UQCC1: variants seen among roughly 807,000 people sequenced by gnomAD.
UQCC1 encodes bFGF-repressed Zic-binding protein.
A neutral mutation model predicts 48.0 loss-of-function variants in UQCC1; 38 were observed. That is an observed-to-expected ratio of 0.79 (90% CI 0.61 to 1.04). The LOEUF (loss-of-function observed/expected upper bound fraction) is 1.04. Among genes scored for constraint, UQCC1 ranks in the 50% least tolerant of loss-of-function variants. UQCC1 has a pLI of 0.00. For missense variants in UQCC1, 368 were observed against 381.8 expected, an observed-to-expected ratio of 0.96 and a Z score of 0.30; for synonymous variants, 111 against 129.2, an observed-to-expected ratio of 0.86 and a Z score of 0.95.
chr20:35,370,188 A>T (rs971026627), intron 5 of UQCC1, among the ~76,000 whole-genome samples: 1 of 152,148 alleles, frequency 6.6e-6, no homozygotes, highest in Non-Finnish European at 1.5e-5. Flanking sequence ...CACTTTAAAA[A>T]GTACAATCTT....
intron 1 of UQCC1, among the ~76,000 whole-genome samples, chr20:35,400,702 C>A (rs575689648): frequency 6.6e-6 from 1 of 151,794 alleles, no homozygotes; most frequent in Non-Finnish European, 1.5e-5. Context: ...TCACCATGTT[C>A]GCCAGGATGG....
chr20:35,403,371 C>T (rs989616065), intron 1 of UQCC1, among the ~76,000 whole-genome samples: 4 of 152,136 alleles, frequency 2.6e-5, no homozygotes, highest in African/African-American at 4.8e-5. Context: ...TTCCTACCCA[C>T]GTCCTGGTAG....
Position 35,388,595 on chromosome 20 carries a change from G to T in UQCC1, c.130-4462C>A, listed in dbSNP as rs371888952. 3.9e-5 allele frequency among the ~76,000 whole-genome samples: 6 copies of T among 152,170 alleles called. No individual in the cohort carries two copies. The South Asian group carries it at 1.2e-3, about 32-fold the overall frequency. ...GCCCGGACTATTTTTTCCTGTTTTA[G>T]AAATTAGAACACAAAGGCTCAAAGA... On this transcript the variant is annotated intron_variant, in intron 2 of 9. Transcript: ENST00000374385.
intron 1 of UQCC1, among the ~76,000 whole-genome samples, chr20:35,399,532 C>T (rs758350171): frequency 2.6e-5 from 4 of 152,076 alleles, no homozygotes; most frequent in Non-Finnish European, 4.4e-5. Context: ...CTCTTCACTC[C>T]AACCCAAACT....
chr20:35,359,130 C>T (rs1290578746), intron 6 of UQCC1, among the ~76,000 whole-genome samples: 1 of 152,262 alleles, frequency 6.6e-6, no homozygotes, highest in East Asian at 1.9e-4. Context: ...GCTATCAATC[C>T]TGCCTTATAG....
At chr20:35,329,291 G>A (rs1021991111) in intron 7 of UQCC1, among the ~76,000 whole-genome samples, 4 of 152,200 alleles carry the variant, frequency 2.6e-5, no homozygotes, top group Non-Finnish European at 5.9e-5. Context: ...AGCCGACAGT[G>A]AGTTTAGGTG....
rs997756272 is a variant in UQCC1 at position 35,389,111 on chromosome 20, G to A, written c.130-4978C>T. Among the ~76,000 whole-genome samples the A allele has an allele frequency of 1.3e-4, 20 of 151,926 alleles. 1 individual carries two copies. The highest frequency in any genetic ancestry group is 4.8e-4 in the African/African-American group (20 of 41,344). On this transcript the variant is annotated intron_variant, in intron 2 of 9. Coordinates refer to ENST00000374385, the MANE Select transcript of UQCC1 (RefSeq NM_018244.5). ...TAAAAAAATAAAATCAGGACTCCTT[G>A]GAGTAATGTTTGAATCTAGGGCCAG... is the stretch of plus-strand genomic sequence containing the variant.
At chr20:35,381,748 C>T (rs769779627) in intron 4 of UQCC1, among the ~76,000 whole-genome samples, 170 bp downstream of exon 4, 1 of 152,104 alleles carries the variant, frequency 6.6e-6, no homozygotes, top group Non-Finnish European at 1.5e-5. Context: ...CCAGATCAGC[C>T]GAATCAACCC....
intron 6 of UQCC1, among the ~76,000 whole-genome samples, chr20:35,364,191 A>C (rs2061639921): frequency 6.6e-6 from 1 of 152,198 alleles, no homozygotes; most frequent in Non-Finnish European, 1.5e-5. Context: ...TTTCTCTGAC[A>C]GAAATTCTAG....
intron 7 of UQCC1, among the ~76,000 whole-genome samples, chr20:35,321,271 TGTGTGTGTGTGTGCGC>T (rs984216807): frequency 8.0e-5 from 12 of 150,290 alleles, no homozygotes; most frequent in African/African-American, 2.5e-4. Flanking sequence ...TGTGTGTGTG[TGTGTGTGTGTGTGCGC>T]GCGCGCGCGC....
rs542124149 is a variant in UQCC1 at position 35,362,026 on chromosome 20, T to C, written c.464+4531A>G. Among the ~76,000 whole-genome samples, 11 of 152,164 alleles carry C rather than the reference T, an allele frequency of 7.2e-5. No homozygotes were observed. The South Asian group carries it at 8.3e-4, about 11-fold the overall frequency. ...CTCCATGACAATTTGAAAAGGGGAG[T>C]CTCTACAAATCTGTTAACACTTACA... On this transcript the variant is annotated intron_variant, in intron 6 of 9. Coordinates refer to ENST00000374385, the MANE Select transcript of UQCC1 (RefSeq NM_018244.5).
chr20:35,324,799 T>C (rs749374330), intron 7 of UQCC1, among the ~76,000 whole-genome samples: 2 of 152,232 alleles, frequency 1.3e-5, no homozygotes, highest in African/African-American at 4.8e-5. Context: ...AGGCTGAACA[T>C]AGAACTACCA....
At chr20:35,312,987 G>A (rs2146304060) in intron 8 of UQCC1, among the ~76,000 whole-genome samples, 1 of 152,256 alleles carries the variant, frequency 6.6e-6, no homozygotes, top group Non-Finnish European at 1.5e-5. Flanking sequence ...GGTGGTGACG[G>A]TGCAAAGCAA....
At position 35,346,744 on chromosome 20, in the gene UQCC1, G is replaced by C. The variant is rs182395314; in HGVS notation, c.573+420C>G. ...CAGTGATCAAGGAGCTTGAGTTTCA[G>C]TTCCTGAAGACAGTGCAGGCCCCAT... On this transcript the variant is annotated intron_variant, in intron 7 of 9. Coordinates refer to ENST00000374385, the MANE Select transcript of UQCC1 (RefSeq NM_018244.5). 36 of 342,424 alleles carry C rather than the reference G, an allele frequency of 1.1e-4. No homozygotes were observed. In the Admixed American group the frequency reaches 1.3e-3, roughly 13 times the overall value. The allele number at this position is 342,424 out of a possible 1,614,324, so 21.2% of individuals were successfully genotyped here.
chr20:35,362,136 G>A (rs2061612878), intron 6 of UQCC1, among the ~76,000 whole-genome samples: 1 of 152,184 alleles, frequency 6.6e-6, no homozygotes, highest in Non-Finnish European at 1.5e-5. Context: ...ATTGGATACT[G>A]AAGGAAAAAC....
rs183324629 is a variant in UQCC1 at position 35,364,658 on chromosome 20, A to T, written c.464+1899T>A. Among the ~76,000 whole-genome samples, 9 of 152,286 alleles carry T rather than the reference A, an allele frequency of 5.9e-5. No homozygotes were observed. The East Asian group carries it at 1.2e-3, about 20-fold the overall frequency. On this transcript the variant is annotated intron_variant, in intron 6 of 9. Transcript: ENST00000374385. ...TGAAGCAGACAGCTTCCCTCTCTCA[A>T]TTGAACTGGGGGTGGTACACCCTAC...
At chr20:35,365,654 C>CT (rs1472051432) in intron 6 of UQCC1, among the ~76,000 whole-genome samples, 8 of 68,858 alleles carry the variant, frequency 1.2e-4, no homozygotes, top group Non-Finnish European at 1.9e-4. Context: ...GAGACTATGT[C>CT]TAAAAAAAAA....
intron 3 of UQCC1, among the ~76,000 whole-genome samples, chr20:35,383,077 G>GA (rs149456105): frequency 8.0e-5 from 12 of 149,710 alleles, no homozygotes; most frequent in East Asian, 1.9e-4. Flanking sequence ...ATAGGAAAAG[G>GA]AAAAAAAAAT....
chr20:35,357,113 A>G (rs8116477), intron 6 of UQCC1, among the ~76,000 whole-genome samples: 6 of 152,232 alleles, frequency 3.9e-5, no homozygotes, highest in African/African-American at 1.4e-4. Context: ...GGCCAGGTGC[A>G]GTGGCTCATG....
Sources: allele counts gnomAD v4.1 joint callset (sites outside exome capture counted in the v4.1 genomes callset), GRCh38; gene constraint gnomAD v4.1.1; transcripts MANE v1.5; gene names NCBI Gene and HGNC (gene_info 2026-07-23, HGNC 2026-07-21).